Variants in PSIP1 observed in about 807,000 individuals in gnomAD.
The protein encoded by PSIP1 is PC4 and SRSF1 interacting protein 1, also known as PC4 and SFRS1-interacting protein.
In PSIP1, 19 loss-of-function variants were observed where a neutral mutation model predicts 74.7. That is an observed-to-expected ratio of 0.25 (90% CI 0.18 to 0.37). The LOEUF is 0.37. Among genes scored for constraint, PSIP1 ranks in the 10% least tolerant of loss-of-function variants. PSIP1 has a pLI of 1.00. For missense variants in PSIP1, 601 were observed against 614.3 expected, an observed-to-expected ratio of 0.98 and a Z score of 0.23; for synonymous variants, 222 against 195.3, an observed-to-expected ratio of 1.14 and a Z score of -1.14.
intron 15 of PSIP1, among the ~76,000 whole-genome samples, chr9:15,466,394 A>G (rs1023289701): frequency 6.6e-6 from 1 of 152,176 alleles, no homozygotes; most frequent in Non-Finnish European, 1.5e-5. Context: ...AAAAACAACA[A>G]CAACAAAACT....
intron 6 of PSIP1, among the ~76,000 whole-genome samples, chr9:15,482,229 G>A (rs910394680): frequency 1.3e-5 from 2 of 152,048 alleles, no homozygotes; most frequent in Admixed American, 1.3e-4. Flanking sequence ...CCTCAAGAGA[G>A]GTTACTATAC....
chr9:15,497,592 T>A (rs1372476934), intron 3 of PSIP1, among the ~76,000 whole-genome samples: 2 of 152,112 alleles, frequency 1.3e-5, no homozygotes, highest in African/African-American at 4.8e-5. Context: ...CCCAAAGTGC[T>A]GGGATTACAG....
chr9:15,504,503 C>T (rs973023525), intron 3 of PSIP1, among the ~76,000 whole-genome samples: 2 of 151,906 alleles, frequency 1.3e-5, no homozygotes, highest in Non-Finnish European at 2.9e-5. Flanking sequence ...TTTAGGAGGC[C>T]GAGGTGGGCA....
At chr9:15,470,429 CTG>C (rs1473543502) in intron 10 of PSIP1, among the ~76,000 whole-genome samples, 2 of 152,178 alleles carry the variant, frequency 1.3e-5, no homozygotes, top group Admixed American at 6.5e-5. Context: ...TAAGATAACA[CTG>C]TTTTTAAAAT....
chr9:15,483,799 C>G (rs116374298), intron 6 of PSIP1, among the ~76,000 whole-genome samples: 6,554 of 152,218 alleles, frequency 0.043, 472 homozygotes, highest in African/African-American at 0.15. Flanking sequence ...CAAGACCTGG[C>G]TGACCAACAT....
intron 6 of PSIP1, among the ~76,000 whole-genome samples, chr9:15,484,946 T>C (rs1461086494): frequency 6.8e-6 from 1 of 147,674 alleles, no homozygotes; most frequent in African/African-American, 2.5e-5. Context: ...TAGCCGGGTA[T>C]GGTGGCACAC....
At chr9:15,482,606 C>G (rs2036382711) in intron 6 of PSIP1, among the ~76,000 whole-genome samples, 1 of 152,086 alleles carries the variant, frequency 6.6e-6, no homozygotes, top group South Asian at 2.1e-4. Context: ...CTTCAAATGT[C>G]CCCTCCATTC....
intron 3 of PSIP1, among the ~76,000 whole-genome samples, chr9:15,500,101 T>C (rs1011407976): frequency 1.3e-5 from 2 of 152,120 alleles, no homozygotes; most frequent in African/African-American, 4.8e-5. Flanking sequence ...CATGTATTAG[T>C]CTATAACAGA....
Position 15,510,117 on chromosome 9 carries a change from T to C in PSIP1, c.72A>G (p.Arg24=), listed in dbSNP as rs2037789426. 1.2e-6 allele frequency: 2 copies of C among 1,602,758 alleles called. No homozygotes were observed. Among genetic ancestry groups the C allele is most frequent in the Non-Finnish European group, 1.7e-6 (2 of 1,174,610 alleles). ...KMKGYPHWPA[R]VDEVPDGAVK... ...AGCGCGAGGGCTACAAATCACTTACTCGAGCTGGCCAATGGGGATAACCTT... is the reference window on the plus strand; with the variant it reads ...AGCGCGAGGGCTACAAATCACTTACCCGAGCTGGCCAATGGGGATAACCTT... The change falls in exon 2 of 16, where the codon CGA becomes CGG. Residue 24 remains arginine, a splice_region_variant and synonymous_variant. Coordinates refer to ENST00000380733, the MANE Select transcript of PSIP1 (RefSeq NM_033222.5).
chr9:15,473,495 G>T (rs1163953425), intron 9 of PSIP1, among the ~76,000 whole-genome samples: 2 of 152,156 alleles, frequency 1.3e-5, no homozygotes, highest in South Asian at 4.1e-4. Flanking sequence ...TTTTCAATAT[G>T]CTTTGTAACA....
rs1224853155 is a variant in PSIP1 at position 15,464,680 on chromosome 9, A to G, written c.*840T>C. ...TAGTGACTTCCTAAAGACATTTTTA[A>G]CAACATTCCTCAAAAATAAACTTAC... On this transcript the variant is annotated 3_prime_UTR_variant, in exon 16 of 16. Transcript: ENST00000380733. The G allele has an allele frequency of 5.0e-6, 1 of 198,230 alleles. No homozygotes were observed. Among genetic ancestry groups the G allele is most frequent in the African/African-American group, 2.3e-5 (1 of 43,382 alleles). 12.3% of individuals were successfully genotyped at this position (198,230 alleles called of 1,614,324 possible).
chr9:15,509,232 G>A lies in PSIP1; in HGVS notation c.72+885C>T, dbSNP rs149438397. On this transcript the variant is annotated intron_variant, in intron 2 of 15. Transcript: ENST00000380733. ...GAAAAATAAAACTTCAGAACCCCATGTAAGTATATTTTTAAAGGATCTTGA... is the reference window on the plus strand; with the variant it reads ...GAAAAATAAAACTTCAGAACCCCATATAAGTATATTTTTAAAGGATCTTGA... 1.5e-4 allele frequency among the ~76,000 whole-genome samples: 23 copies of A among 152,342 alleles called. No individual in the cohort carries two copies. In the South Asian group the frequency reaches 4.3e-3, roughly 29 times the overall value.
intron 7 of PSIP1, 152 bp downstream of exon 7, chr9:15,479,439 C>A (rs1563876030): frequency 3.8e-6 from 2 of 529,618 alleles, no homozygotes; most frequent in South Asian, 3.3e-5. Context: ...TGAAACAGAG[C>A]ACAAATCATG....
intron 10 of PSIP1, chr9:15,471,754 A>T: frequency 1.0e-6 from 1 of 961,158 alleles, no homozygotes; most frequent in African/African-American, 1.8e-5. Context: ...GCTTACGGAT[A>T]TATTATATAA....
intron 3 of PSIP1, among the ~76,000 whole-genome samples, chr9:15,495,356 A>G: frequency 6.6e-6 from 1 of 152,208 alleles, no homozygotes; most frequent in Non-Finnish European, 1.5e-5. Flanking sequence ...CAGTTCTTAA[A>G]AAGGACCATG....
intron 15 of PSIP1, chr9:15,465,899 T>C (rs1053120033): frequency 2.0e-5 from 5 of 245,218 alleles, no homozygotes; most frequent in Non-Finnish European, 3.1e-5. Flanking sequence ...GAATGTTTTA[T>C]ATCTGTGATA....
At chr9:15,495,251 A>C (rs911284299) in intron 3 of PSIP1, among the ~76,000 whole-genome samples, 1 of 152,148 alleles carries the variant, frequency 6.6e-6, no homozygotes, top group African/African-American at 2.4e-5. Flanking sequence ...ATATGGCTCT[A>C]AGTCTAAAAG....
At chr9:15,472,879 A>C in intron 9 of PSIP1, 129 bp from the exon 10 acceptor site, 1 of 811,268 alleles carries the variant, frequency 1.2e-6, no homozygotes, top group Non-Finnish European at 2.0e-6. Flanking sequence ...TTAGCAACCT[A>C]AAAATAGTCT....
intron 3 of PSIP1, among the ~76,000 whole-genome samples, chr9:15,491,521 C>A (rs1327213150): frequency 6.6e-6 from 1 of 152,142 alleles, no homozygotes; most frequent in East Asian, 1.9e-4. Context: ...ATGGAATCCA[C>A]AAATAACGAG....
Sources: gnomAD v4.1 joint callset for allele counts (sites outside exome capture counted in the v4.1 genomes callset) on GRCh38, gnomAD v4.1.1 for gene constraint, MANE v1.5 for transcripts, NCBI Gene and HGNC (gene_info 2026-07-23, HGNC 2026-07-21) for gene names.